Variants in C2CD2 observed in about 807,000 individuals in gnomAD.
C2CD2 encodes C2 calcium dependent domain containing 2.
Under a neutral mutation model 74.3 loss-of-function variants are expected in C2CD2, and 43 were observed. The observed-to-expected ratio is 0.58, with a 90% CI of 0.45 to 0.75. The LOEUF (loss-of-function observed/expected upper bound fraction) is 0.75, where lower values mean the gene tolerates loss of function less well. Among genes scored for constraint, C2CD2 ranks in the 30% least tolerant of loss-of-function variants. The probability of loss-of-function intolerance (pLI) is 0.00; values close to 1 mark genes in which losing one functional copy is unlikely to be tolerated. For synonymous variants in C2CD2, 422 were observed against 390.7 expected, an observed-to-expected ratio of 1.08 and a Z score of -0.94; for missense variants, 801 against 916.3, an observed-to-expected ratio of 0.87 and a Z score of 1.63.
chr21:41,891,803 ACCC>A (rs2064757785), intron 13 of C2CD2, among the ~76,000 whole-genome samples: 1 of 151,914 alleles, frequency 6.6e-6, no homozygotes. Context: ...GGGAACGCCA[ACCC>A]ACCCCCTGGG....
chr21:41,892,721 G>A lies in C2CD2; in HGVS notation c.1871-3377C>T, dbSNP rs1049754981. ...AGCTGGGGTTATCCACTGCTAGCCCGGGTCTGGCCAAAATGCCACTAGTGC... is the reference window on the plus strand; with the variant it reads ...AGCTGGGGTTATCCACTGCTAGCCCAGGTCTGGCCAAAATGCCACTAGTGC... On this transcript the variant is annotated intron_variant, in intron 13 of 13. Coordinates refer to ENST00000380486, the MANE Select transcript of C2CD2 (RefSeq NM_015500.2). This position sits in a 1 kb window ranked among gnomAD's most constrained non-coding sequence, Gnocchi z 4.6. Among the ~76,000 whole-genome samples, 3 of 152,232 alleles carry A rather than the reference G, an allele frequency of 2.0e-5. No homozygotes were observed. Among genetic ancestry groups the A allele is most frequent in the African/African-American group, 4.8e-5 (2 of 41,450 alleles).
At chr21:41,948,870 CTTTTTTTTT>C (rs967927171) in intron 1 of C2CD2, among the ~76,000 whole-genome samples, 5 of 80,710 alleles carry the variant, frequency 6.2e-5, no homozygotes, top group Admixed American at 2.0e-4. Context: ...CACACAGCAT[CTTTTTTTTT>C]TTTTTTTTTT....
At chr21:41,944,633 G>A (rs2065384291) in intron 1 of C2CD2, among the ~76,000 whole-genome samples, 1 of 151,730 alleles carries the variant, frequency 6.6e-6, no homozygotes, top group Non-Finnish European at 1.5e-5. Context: ...TTCCTTTTCT[G>A]ATCTGCCTAG....
chr21:41,942,467 A>C (rs1356230040), intron 1 of C2CD2, among the ~76,000 whole-genome samples: 1 of 152,138 alleles, frequency 6.6e-6, no homozygotes, highest in Non-Finnish European at 1.5e-5. Context: ...CAGTTATGGG[A>C]GAAGGCTGGG....
Position 41,899,179 on chromosome 21 carries a change from A to C in C2CD2, c.1744T>G (p.Trp582Gly). 6.2e-7 allele frequency: 1 copy of C among 1,613,098 alleles called. No individual in the cohort carries two copies. Among genetic ancestry groups the C allele is most frequent in the African/African-American group, 1.3e-5 (1 of 75,008 alleles). ...GCCTGTGGCTCCTTCTCCAAGTCCC[A>C]GGAGTCTAGCTCGTCCTCCTGGGGC... ...PKPQEDELDSWDLEKEPQAAA... is the reference protein window; with the variant it reads ...PKPQEDELDSGDLEKEPQAAA... The change falls in exon 13 of 14, where the codon TGG becomes GGG. Residue 582 changes from tryptophan (W) to glycine (G), a missense_variant. Trp to Gly is a radical substitution (Grantham distance 184). Coordinates refer to ENST00000380486, the MANE Select transcript of C2CD2 (RefSeq NM_015500.2). The surrounding 1 kb of genome is among the most constrained non-coding windows in gnomAD (Gnocchi z 4.4).
At chr21:41,925,276 A>C (rs1297666318) in intron 2 of C2CD2, among the ~76,000 whole-genome samples, 2 of 152,104 alleles carry the variant, frequency 1.3e-5, no homozygotes, top group African/African-American at 4.8e-5. Context: ...GCTTGAGTCC[A>C]GGAGTTCAAG....
chr21:41,889,799 ATT>A (rs1227457029), intron 13 of C2CD2, among the ~76,000 whole-genome samples: 1 of 151,766 alleles, frequency 6.6e-6, no homozygotes, highest in Non-Finnish European at 1.5e-5. Context: ...TGCCTAGCTA[ATT>A]TTTTTGTATT....
At position 41,932,210 on chromosome 21, in the gene C2CD2, GAATA is replaced by G. The variant is rs2065268723; in HGVS notation, c.378+9933_378+9936del. The stretch of plus-strand genomic sequence containing the variant: ...GGGTTTGGGGAGCTTCCAAGGTGGT[GAATA>G]CATCAAGGTGCCGGGCGGGTGGCTC... On this transcript the variant is annotated intron_variant, in intron 2 of 13. Coordinates refer to ENST00000380486, the MANE Select transcript of C2CD2 (RefSeq NM_015500.2). Among the ~76,000 whole-genome samples, 3 of 150,022 alleles carry G rather than the reference GAATA, an allele frequency of 2.0e-5. No individual in the cohort carries two copies. In the South Asian group the frequency reaches 6.4e-4, roughly 32 times the overall value.
At chr21:41,951,476 A>T (rs1028832065) in intron 1 of C2CD2, among the ~76,000 whole-genome samples, 1 of 151,950 alleles carries the variant, frequency 6.6e-6, no homozygotes, top group Non-Finnish European at 1.5e-5. Flanking sequence ...AATCCGGGAC[A>T]CTGTTGCCTC....
At chr21:41,942,325 G>A in intron 1 of C2CD2, 80 bp from the exon 2 acceptor site, 1 of 1,067,824 alleles carries the variant, frequency 9.4e-7, no homozygotes, top group Non-Finnish European at 1.4e-6. Context: ...TTAAAGTTCT[G>A]AAAAATTAAG....
rs2064815936 is a variant in C2CD2, at chr21:41,895,871, C to T, written c.1870+3182G>A. Among the ~76,000 whole-genome samples the T allele has an allele frequency of 6.6e-6, 1 of 152,152 alleles. No homozygotes were observed. The highest frequency in any genetic ancestry group is 1.5e-5 in the Non-Finnish European group (1 of 68,034). On this transcript the variant is annotated intron_variant, in intron 13 of 13. Coordinates refer to ENST00000380486, the MANE Select transcript of C2CD2 (RefSeq NM_015500.2). This position sits in a 1 kb window ranked among gnomAD's most constrained non-coding sequence, Gnocchi z 5.0. ...ATTGTCTTTGGCTTCCCAAGAACAG[C>T]ATCGGATTTCAACTGGAACCACAGA...
intron 2 of C2CD2, among the ~76,000 whole-genome samples, chr21:41,930,379 C>CAATA (rs1331214417): frequency 6.7e-6 from 1 of 149,982 alleles, no homozygotes; most frequent in Non-Finnish European, 1.5e-5. Flanking sequence ...AATAAACCAA[C>CAATA]AATAACTCAT....
rs760888952 is a variant in C2CD2 at position 41,905,772 on chromosome 21, C to G, written c.1384G>C (p.Ala462Pro). 2 of 1,612,170 alleles carry G rather than the reference C, an allele frequency of 1.2e-6. No individual in the cohort carries two copies. Among genetic ancestry groups the G allele is most frequent in the Admixed American group, 3.3e-5 (2 of 59,908 alleles). ...IEKDISVQAI[A>P]CRSAPVSKTL... ...TTGCTGACGGGGGCGCTGCGGCAGG[C>G]GATGGCCTGGACAGAGATGTCCTTC... Residue 462 changes from alanine to proline, a missense_variant, in exon 11 of 14, where the codon GCC (alanine) becomes CCC (proline). Coordinates refer to ENST00000380486, the MANE Select transcript of C2CD2 (RefSeq NM_015500.2).
chr21:41,938,216 A>C (rs1328564025), intron 2 of C2CD2, among the ~76,000 whole-genome samples: 1 of 152,080 alleles, frequency 6.6e-6, no homozygotes, highest in African/African-American at 2.4e-5. Flanking sequence ...AAATATGTAC[A>C]ATTTTCATCA....
intron 1 of C2CD2, among the ~76,000 whole-genome samples, chr21:41,943,577 C>T (rs9977045): frequency 0.55 from 83,376 of 152,002 alleles, 23,759 homozygotes; most frequent in Middle Eastern, 0.73. Flanking sequence ...AAGCTCCCAT[C>T]GTATCTCATC....
intron 12 of C2CD2, 54 bp downstream of exon 12, chr21:41,901,568 G>A (rs773879690): frequency 6.3e-7 from 1 of 1,582,782 alleles, no homozygotes; most frequent in South Asian, 1.1e-5. Flanking sequence ...CAGAGGAGCA[G>A]CAGGTCACTG....
chr21:41,931,755 G>T (rs571287337), intron 2 of C2CD2, among the ~76,000 whole-genome samples: 4 of 149,996 alleles, frequency 2.7e-5, no homozygotes, highest in Non-Finnish European at 6.0e-5. Flanking sequence ...AGGGCTGTTG[G>T]GGGGGACCCC....
rs543525573 is a variant in C2CD2, at chr21:41,905,321, T to C, written c.1432+403A>G. Among the ~76,000 whole-genome samples the C allele has an allele frequency of 2.2e-5, 3 of 134,734 alleles. No homozygotes were observed. The East Asian group carries it at 5.8e-4, about 26-fold the overall frequency. The allele number at this position is 134,734 out of a possible 152,430, so 88.4% of individuals were successfully genotyped here. ...AAAGCAAATCAAAACTTTTTTTTTT[T>C]TTTTTTTTTTTTAAGAGACAGGGTC... On this transcript the variant is annotated intron_variant, in intron 11 of 13. Transcript: ENST00000380486.
At chr21:41,948,885 T>TTTTA (rs2065425937) in intron 1 of C2CD2, among the ~76,000 whole-genome samples, 3 of 127,850 alleles carry the variant, frequency 2.3e-5, no homozygotes, top group African/African-American at 8.6e-5. Flanking sequence ...TTTTTTTTTT[T>TTTTA]TTTTTTTCTT....
Sources: allele counts gnomAD v4.1 joint callset (sites outside exome capture counted in the v4.1 genomes callset), GRCh38; gene constraint gnomAD v4.1.1; non-coding constraint Gnocchi (gnomAD v3.1); transcripts MANE v1.5; gene names NCBI Gene and HGNC (gene_info 2026-07-23, HGNC 2026-07-21).